CNOT10: variants seen among roughly 807,000 people sequenced by gnomAD.
The protein encoded by CNOT10 is CCR4-NOT transcription complex subunit 10.
A neutral mutation model predicts 94.6 loss-of-function variants in CNOT10; 30 were observed. The observed-to-expected ratio is 0.32, with a 90% CI of 0.24 to 0.43. CNOT10 has a LOEUF of 0.43. Ranked by LOEUF, CNOT10 falls within the 20% of genes least tolerant of loss-of-function variation. CNOT10 has a pLI of 1.00. For missense variants in CNOT10, 759 were observed against 877.2 expected, an observed-to-expected ratio of 0.87 and a Z score of 1.70; for synonymous variants, 289 against 301.6, an observed-to-expected ratio of 0.96 and a Z score of 0.43.
intron 18 of CNOT10, among the ~76,000 whole-genome samples, chr3:32,770,615 G>A (rs969426880): frequency 1.8e-4 from 28 of 151,826 alleles, no homozygotes; most frequent in African/African-American, 6.3e-4. Flanking sequence ...GTGAGCCACC[G>A]CACCCGGCAA....
intron 17 of CNOT10, chr3:32,769,026 G>C (rs575837755): frequency 6.6e-6 from 1 of 152,154 alleles, no homozygotes. Flanking sequence ...TGGCATTTAC[G>C]TAACTGTGTT....
intron 1 of CNOT10, 74 bp from the exon 2 acceptor site, chr3:32,703,794 A>C: frequency 1.0e-6 from 1 of 998,868 alleles, no homozygotes; most frequent in Non-Finnish European, 1.5e-6. Context: ...AAACTGCAGA[A>C]AGTGAAACTG....
At chr3:32,696,839 A>C (rs1183121935) in intron 1 of CNOT10, among the ~76,000 whole-genome samples, 1 of 152,196 alleles carries the variant, frequency 6.6e-6, no homozygotes, top group Non-Finnish European at 1.5e-5. Flanking sequence ...CAGCCTCCCG[A>C]AGTGCTGGGA....
intron 1 of CNOT10, among the ~76,000 whole-genome samples, chr3:32,690,312 A>G (rs1696794233): frequency 6.6e-6 from 1 of 152,002 alleles, no homozygotes; most frequent in African/African-American, 2.4e-5. Flanking sequence ...AATGAGAACG[A>G]TGAAAGTATC....
intron 13 of CNOT10, among the ~76,000 whole-genome samples, chr3:32,755,142 A>T (rs1415861835): frequency 6.6e-6 from 1 of 151,052 alleles, no homozygotes; most frequent in Non-Finnish European, 1.5e-5. Context: ...GCTACTCGGG[A>T]GGCTGAGACA....
chr3:32,741,768 CAAA>C (rs529423159), intron 13 of CNOT10, among the ~76,000 whole-genome samples: 2 of 86,534 alleles, frequency 2.3e-5, no homozygotes, highest in Non-Finnish European at 2.3e-5. Flanking sequence ...GACTCCGTCT[CAAA>C]AAAAAAAAAA....
rs1320443755 is a variant in CNOT10, at chr3:32,696,334, G to GA, written c.23-7532dup. Among the ~76,000 whole-genome samples, 29 of 151,320 alleles carry GA rather than the reference G, an allele frequency of 1.9e-4. No homozygotes were observed. The East Asian group carries it at 5.7e-3, about 30-fold the overall frequency. On this transcript the variant is annotated intron_variant, in intron 1 of 18. Transcript: ENST00000328834. ...CCGTCTCAAAAAAAAAAAAGAAGAAGAAGAAGAAATGGGGTCTCACTGATT... is the reference window on the plus strand; with the variant it reads ...CCGTCTCAAAAAAAAAAAAGAAGAAGAAAGAAGAAATGGGGTCTCACTGATT...
At chr3:32,710,167 AAAGAG>A (rs1344330711) in intron 4 of CNOT10, among the ~76,000 whole-genome samples, 1 of 150,700 alleles carries the variant, frequency 6.6e-6, no homozygotes, top group African/African-American at 2.4e-5. Context: ...AAAAAAAAAA[AAAGAG>A]AATTTCCTGA....
In CNOT10 at chr3:32,733,433, A is replaced by G. The variant is rs1699044229; in HGVS notation, c.1226A>G (p.Gln409Arg). Reference sequence around the variant, plus strand: ...ATTTGTATTTTGTAGACTTCTGAACAAGAAACTAAAGGCCTTCCCAGCAAA... The same window carrying G: ...ATTTGTATTTTGTAGACTTCTGAACGAGAAACTAAAGGCCTTCCCAGCAAA... ...CIAANKGTSE[Q>R]ETKGLPSKKG... is the part of the protein sequence containing the mutation. The change falls in exon 11 of 19, where the codon CAA (glutamine) becomes CGA (arginine). Residue 409 changes from glutamine (Q) to arginine (R), a missense_variant. Coordinates refer to ENST00000328834, the MANE Select transcript of CNOT10 (RefSeq NM_015442.3). The G allele has an allele frequency of 6.3e-7, 1 of 1,587,244 alleles. No homozygotes were observed. Among genetic ancestry groups the G allele is most frequent in the East Asian group, 2.3e-5 (1 of 44,388 alleles).
rs79145950 is a variant in CNOT10, at chr3:32,759,484, A to T, written c.1622A>T (p.Tyr541Phe). Reference protein sequence around the residue: ...LKCSILACSAYVALALGDNLM... With the variant: ...LKCSILACSAFVALALGDNLM... ...TGCTCCATACTTGCTTGCAGTGCCTACGTGGCTCTGGCTTTGGGTGATAAC... is the reference window on the plus strand; with the variant it reads ...TGCTCCATACTTGCTTGCAGTGCCTTCGTGGCTCTGGCTTTGGGTGATAAC... The change falls in exon 14 of 19, where the codon TAC becomes TTC. Residue 541 changes from tyrosine to phenylalanine, a missense_variant. Transcript: ENST00000328834. The T allele has an allele frequency of 7.4e-3, 11,945 of 1,613,896 alleles. 61 individuals are homozygous for T. The highest frequency in any genetic ancestry group is 0.011 in the Admixed American group (634 of 59,984).
At chr3:32,753,966 G>C in intron 13 of CNOT10, 1 of 792,552 alleles carries the variant, frequency 1.3e-6, no homozygotes, top group Non-Finnish European at 1.9e-6. Context: ...GCATGGAGGT[G>C]CATGCTTGTA....
chr3:32,729,219 T>A (rs1386574330), intron 10 of CNOT10, among the ~76,000 whole-genome samples: 1 of 152,228 alleles, frequency 6.6e-6, no homozygotes, highest in Non-Finnish European at 1.5e-5. Context: ...GCTGTTTCTC[T>A]CTGACACATG....
chr3:32,685,303 C>T lies in CNOT10; in HGVS notation c.-158C>T. On this transcript the variant is annotated 5_prime_UTR_variant, in exon 1 of 19. Transcript: ENST00000328834. Reference sequence around the variant, plus strand: ...GACGGGAACTAGCTCTCGTCACTTCCTCAGCCCGCCGTCTGCCCACTCCTC... The same window carrying T: ...GACGGGAACTAGCTCTCGTCACTTCTTCAGCCCGCCGTCTGCCCACTCCTC... The T allele has an allele frequency of 1.4e-6, 1 of 726,392 alleles. No individual in the cohort carries two copies. Among genetic ancestry groups the T allele is most frequent in the South Asian group, 1.8e-5 (1 of 56,676 alleles). The allele number at this position is 726,392 out of a possible 1,614,324, so 45.0% of individuals were successfully genotyped here. A position where few individuals can be genotyped will look rare whatever the true frequency, so the allele number is the denominator to read the frequency against.
chr3:32,694,881 G>A (rs759144585), intron 1 of CNOT10, among the ~76,000 whole-genome samples: 8 of 152,002 alleles, frequency 5.3e-5, no homozygotes, highest in Non-Finnish European at 1.0e-4. Context: ...GAGTCACCGC[G>A]CCCAGCCTAA....
In CNOT10 at chr3:32,685,234, G is replaced by A; in HGVS notation, c.-227G>A. On this transcript the variant is annotated 5_prime_UTR_variant, in exon 1 of 19. Coordinates refer to ENST00000328834, the MANE Select transcript of CNOT10 (RefSeq NM_015442.3). ...AGGCGGAAGCTGTGTATGGCGGGAG[G>A]CTGTGGCGGTCCCTTGGTGGGGAAG... 1 of 518,104 alleles carries A rather than the reference G, an allele frequency of 1.9e-6. No individual in the cohort carries two copies. The highest frequency in any genetic ancestry group is 3.5e-5 in the East Asian group (1 of 28,724). The allele number at this position is 518,104 out of a possible 1,614,324, so 32.1% of individuals were successfully genotyped here. A position where few individuals can be genotyped will look rare whatever the true frequency, so the allele number is the denominator to read the frequency against.
At chr3:32,705,603 T>C (rs939801792) in intron 3 of CNOT10, among the ~76,000 whole-genome samples, 2 of 152,194 alleles carry the variant, frequency 1.3e-5, no homozygotes, top group Non-Finnish European at 2.9e-5. Context: ...ATTTTTCTTA[T>C]TTTAAAAGTG....
intron 12 of CNOT10, 127 bp from the exon 13 acceptor site, chr3:32,737,283 C>T (rs13059297): frequency 0.017 from 10,207 of 601,706 alleles, 139 homozygotes; most frequent in Non-Finnish European, 0.023. Context: ...CAATTGCACT[C>T]CATCCTGAGC....
intron 2 of CNOT10, among the ~76,000 whole-genome samples, chr3:32,704,449 C>G (rs1334213038): frequency 6.6e-6 from 1 of 152,072 alleles, no homozygotes; most frequent in Non-Finnish European, 1.5e-5. Flanking sequence ...GAACTTGATG[C>G]TTGGGTATTT....
chr3:32,703,409 T>A (rs1277547941), intron 1 of CNOT10, among the ~76,000 whole-genome samples: 5 of 152,206 alleles, frequency 3.3e-5, no homozygotes, highest in East Asian at 1.9e-4. Context: ...CTGCTTTTTT[T>A]AATACGTACA....
Sources: gnomAD v4.1 joint callset for allele counts (sites outside exome capture counted in the v4.1 genomes callset) on GRCh38, gnomAD v4.1.1 for gene constraint, MANE v1.5 for transcripts, NCBI Gene and HGNC (gene_info 2026-07-23, HGNC 2026-07-21) for gene names.